LCORL: variants seen among roughly 807,000 people sequenced by gnomAD.
LCORL encodes the protein ligand-dependent nuclear receptor corepressor-like protein.
LCORL carries 41 observed loss-of-function variants against 141.8 expected under a neutral mutation model. That is an observed-to-expected ratio of 0.29 (90% CI 0.23 to 0.38). The LOEUF (loss-of-function observed/expected upper bound fraction) is 0.38. LCORL is among the 10% of genes least tolerant of loss of function. The pLI is 1.00. For missense variants in LCORL, 1,759 were observed against 2,035.0 expected, an observed-to-expected ratio of 0.86 and a Z score of 2.61; for synonymous variants, 618 against 694.1, an observed-to-expected ratio of 0.89 and a Z score of 1.72.
chr4:17,858,491 G>A (rs996550298), intron 7 of LCORL, among the ~76,000 whole-genome samples: 12 of 151,852 alleles, frequency 7.9e-5, no homozygotes, highest in South Asian at 4.2e-4. Context: ...TTGAGAGGCC[G>A]AGGCAGGTGG....
intron 5 of LCORL, among the ~76,000 whole-genome samples, chr4:17,908,432 A>G (rs1228334253): frequency 2.0e-5 from 3 of 152,234 alleles, no homozygotes; most frequent in Admixed American, 1.3e-4. Context: ...GACTGACAAT[A>G]CTATTCCTAG....
intron 4 of LCORL, among the ~76,000 whole-genome samples, chr4:17,949,227 T>C (rs16896113): frequency 0.24 from 36,124 of 151,938 alleles, 5,479 homozygotes; most frequent in African/African-American, 0.43. Context: ...ACGTGTACAA[T>C]TGATGTGGAA....
intron 4 of LCORL, among the ~76,000 whole-genome samples, chr4:17,948,911 G>C (rs1249051541): frequency 6.6e-6 from 1 of 152,034 alleles, no homozygotes; most frequent in Non-Finnish European, 1.5e-5. Flanking sequence ...CCAAGAAAGA[G>C]AGGAGTGATG....
intron 4 of LCORL, among the ~76,000 whole-genome samples, chr4:17,939,745 T>C (rs1737522375): frequency 6.6e-6 from 1 of 151,924 alleles, no homozygotes; most frequent in Non-Finnish European, 1.5e-5. Context: ...CTTCCCATAA[T>C]ATATATGTGA....
intron 7 of LCORL, among the ~76,000 whole-genome samples, chr4:17,872,811 T>C (rs1480385714): frequency 6.6e-6 from 1 of 152,174 alleles, no homozygotes; most frequent in East Asian, 1.9e-4. Flanking sequence ...TTAAAAAATA[T>C]TGTTGCTCTA....
intron 3 of LCORL, 41 bp downstream of exon 3, chr4:17,962,929 G>T: frequency 9.5e-7 from 1 of 1,047,250 alleles, no homozygotes; most frequent in Non-Finnish European, 1.4e-6. Flanking sequence ...TGTTACAATT[G>T]TGCATTAGTT....
Position 17,950,671 on chromosome 4 carries a change from G to A in LCORL, c.430+11232C>T, listed in dbSNP as rs1739575430. Among the ~76,000 whole-genome samples the A allele has an allele frequency of 2.0e-5, 3 of 152,226 alleles. No individual in the cohort carries two copies. The South Asian group carries it at 6.2e-4, about 32-fold the overall frequency. ...GCAAAAGTCTTACATCTTGCTAAAG[G>A]AGGCTGAATTTAATGAAATGGACAG... On this transcript the variant is annotated intron_variant, in intron 4 of 7. Transcript: ENST00000635767.
rs933865313 is a variant in LCORL at position 18,021,704 on chromosome 4, G to GGCA, written c.45_47dup (p.Ala22dup). On this transcript the variant is annotated inframe_insertion, in exon 1 of 8. Coordinates refer to ENST00000635767, the Ensembl canonical transcript of LCORL. This position sits in a 1 kb window ranked among gnomAD's most constrained non-coding sequence, Gnocchi z 5.5. ...GGCACTGAGCGGCGGCGGCGGCGGC[G>GGCA]GCAGCAGCGGCGGCGGCAGCGGCCA... The GGCA allele has an allele frequency of 8.1e-5, 124 of 1,525,134 alleles. No homozygotes were observed. Among genetic ancestry groups the GGCA allele is most frequent in the East Asian group, 4.0e-4 (16 of 39,782 alleles). 94.5% of individuals were successfully genotyped at this position (1,525,134 alleles called of 1,614,324 possible).
chr4:17,975,323 C>A (rs1716732768), intron 1 of LCORL, among the ~76,000 whole-genome samples: 1 of 151,818 alleles, frequency 6.6e-6, no homozygotes, highest in African/African-American at 2.4e-5. Context: ...TCTTATTTTA[C>A]ACATAGGATA....
At chr4:17,936,002 A>G (rs1389008799) in intron 4 of LCORL, among the ~76,000 whole-genome samples, 1 of 152,222 alleles carries the variant, frequency 6.6e-6, no homozygotes, top group Admixed American at 6.5e-5. Flanking sequence ...CCAGAAATAA[A>G]TAAGAGTACT....
chr4:17,968,727 A>C (rs1346527763), intron 2 of LCORL, among the ~76,000 whole-genome samples: 1 of 152,226 alleles, frequency 6.6e-6, no homozygotes, highest in African/African-American at 2.4e-5. Flanking sequence ...AATGAGTGAG[A>C]CTATGTCCAA....
At chr4:17,863,907 C>T (rs569951136) in intron 7 of LCORL, among the ~76,000 whole-genome samples, 12 of 152,128 alleles carry the variant, frequency 7.9e-5, no homozygotes, top group Non-Finnish European at 1.5e-4. Context: ...GAAAACAAAA[C>T]ATTTATAAGC....
At chr4:17,868,537 CAAAAGA>C (rs1383130352) in intron 7 of LCORL, among the ~76,000 whole-genome samples, 1 of 152,086 alleles carries the variant, frequency 6.6e-6, no homozygotes, top group Non-Finnish European at 1.5e-5. Context: ...TTTGGGAACT[CAAAAGA>C]TACTGACATT....
intron 4 of LCORL, among the ~76,000 whole-genome samples, chr4:17,931,483 A>G (rs1237735350): frequency 6.6e-6 from 1 of 151,868 alleles, no homozygotes; most frequent in African/African-American, 2.4e-5. Flanking sequence ...ATCTGTTTTA[A>G]TTATATCCCC....
intron 4 of LCORL, among the ~76,000 whole-genome samples, chr4:17,959,612 A>G (rs1266964556): frequency 6.6e-6 from 1 of 152,100 alleles, no homozygotes; most frequent in African/African-American, 2.4e-5. Context: ...ATTTATCATT[A>G]GCACCATCTC....
intron 1 of LCORL, among the ~76,000 whole-genome samples, chr4:17,999,025 T>C (rs1721464091): frequency 7.6e-6 from 1 of 131,852 alleles, no homozygotes; most frequent in South Asian, 2.4e-4. Context: ...TATATATATA[T>C]ATATAGTATA....
At chr4:17,861,321 T>C (rs1399171666) in intron 7 of LCORL, among the ~76,000 whole-genome samples, 3 of 152,220 alleles carry the variant, frequency 2.0e-5, no homozygotes, top group Non-Finnish European at 4.4e-5. Flanking sequence ...CTCAACAGCA[T>C]GTGGAAGCCG....
intron 1 of LCORL, among the ~76,000 whole-genome samples, chr4:17,998,996 A>ATG (rs1336078310): frequency 1.5e-5 from 1 of 66,234 alleles, no homozygotes; most frequent in East Asian, 3.4e-4. Flanking sequence ...ATATATATAT[A>ATG]TATATATACA....
At chr4:17,962,905 T>G in intron 3 of LCORL, 65 bp downstream of exon 3, 1 of 774,154 alleles carries the variant, frequency 1.3e-6, no homozygotes, top group Non-Finnish European at 1.9e-6. Context: ...CAAATTAAGA[T>G]AAAAAAAAAA....
Sources: allele counts gnomAD v4.1 joint callset (sites outside exome capture counted in the v4.1 genomes callset), GRCh38; gene constraint gnomAD v4.1.1; non-coding constraint Gnocchi (gnomAD v3.1); transcripts MANE v1.5; gene names NCBI Gene and HGNC (gene_info 2026-07-23, HGNC 2026-07-21).